Variants in ARHGAP10 observed in about 807,000 individuals in gnomAD.
ARHGAP10 encodes rho GTPase-activating protein 10.
ARHGAP10 carries 87 observed loss-of-function variants against 108.6 expected under a neutral mutation model. The ratio of observed to expected loss-of-function variants is 0.80; its 90% confidence interval spans 0.67 to 0.96. The LOEUF is 0.96. Among genes scored for constraint, ARHGAP10 ranks in the 40% least tolerant of loss-of-function variants. The pLI is 0.00. For synonymous variants in ARHGAP10, 347 were observed against 341.1 expected (o/e 1.02, Z -0.19); for missense variants, 939 against 954.5 (o/e 0.98, Z 0.21).
intron 18 of ARHGAP10, among the ~76,000 whole-genome samples, chr4:147,969,784 C>G (rs1233512591): frequency 6.6e-6 from 1 of 152,186 alleles, no homozygotes; most frequent in African/African-American, 2.4e-5. Flanking sequence ...AAAGTGGCCT[C>G]GCTTTCAGAG....
At chr4:147,993,883 G>A (rs534911969) in intron 18 of ARHGAP10, among the ~76,000 whole-genome samples, 1 of 152,306 alleles carries the variant, frequency 6.6e-6, no homozygotes, top group Admixed American at 6.5e-5. Flanking sequence ...GTGAGGAGCT[G>A]GTGTTTCAGA....
intron 1 of ARHGAP10, among the ~76,000 whole-genome samples, chr4:147,746,348 C>T (rs542894359): frequency 4.2e-4 from 63 of 151,050 alleles, no homozygotes; most frequent in Middle Eastern, 7.1e-3. Flanking sequence ...GTGATCCGCC[C>T]GCCTTGGCCT....
At chr4:147,823,579 G>A (rs1292585887) in intron 3 of ARHGAP10, among the ~76,000 whole-genome samples, 1 of 152,036 alleles carries the variant, frequency 6.6e-6, no homozygotes, top group African/African-American at 2.4e-5. Context: ...CCCACATGGT[G>A]AAACCGCATC....
At chr4:147,978,396 G>A (rs922340264) in intron 18 of ARHGAP10, among the ~76,000 whole-genome samples, 4 of 152,076 alleles carry the variant, frequency 2.6e-5, no homozygotes, top group African/African-American at 7.2e-5. Flanking sequence ...ATATGGTTTG[G>A]CTCTGTGTCC....
intron 1 of ARHGAP10, among the ~76,000 whole-genome samples, chr4:147,748,833 C>T (rs1035872147): frequency 1.4e-4 from 21 of 151,958 alleles, no homozygotes; most frequent in Non-Finnish European, 2.9e-4. Flanking sequence ...GGGGCACACA[C>T]CTGTAGTCCT....
At chr4:147,761,570 C>A (rs1729594051) in intron 1 of ARHGAP10, among the ~76,000 whole-genome samples, 1 of 152,150 alleles carries the variant, frequency 6.6e-6, no homozygotes, top group Non-Finnish European at 1.5e-5. Flanking sequence ...CTCTTTTCCA[C>A]AGGTGAAGGA....
intron 18 of ARHGAP10, among the ~76,000 whole-genome samples, chr4:147,978,825 A>C (rs190660046): frequency 6.6e-6 from 1 of 152,080 alleles, no homozygotes; most frequent in African/African-American, 2.4e-5. Context: ...ATGTTGAACA[A>C]TTTTTTCATA....
At position 147,919,638 on chromosome 4, in the gene ARHGAP10, T is replaced by G. The variant is rs527988368; in HGVS notation, c.1228+6499T>G. Among the ~76,000 whole-genome samples, 3 of 152,152 alleles carry G rather than the reference T, an allele frequency of 2.0e-5. No homozygotes were observed. The East Asian group carries it at 5.8e-4, about 29-fold the overall frequency. On this transcript the variant is annotated intron_variant, in intron 13 of 22. Transcript: ENST00000336498. ...CCCAGACTAGAGTGCAGTGGCATGA[T>G]CTTGGCTCAGTGCAGCCTCCGTCTC...
At position 148,017,680 on chromosome 4, in the gene ARHGAP10, A is replaced by ATGAG. The variant is rs1553971549; in HGVS notation, c.1717-5582_1717-5581insGAGT. On this transcript the variant is annotated intron_variant, in intron 18 of 22. Coordinates refer to ENST00000336498, the MANE Select transcript of ARHGAP10 (RefSeq NM_024605.4). ...TATATATATATATATATATATATAT[A>ATGAG]TATGTGTGTGTATGTAAAGGAATTC... Among the ~76,000 whole-genome samples the ATGAG allele has an allele frequency of 4.1e-3, 585 of 141,448 alleles. 20 individuals are homozygous for ATGAG. Among genetic ancestry groups the ATGAG allele is most frequent in the African/African-American group, 0.014 (520 of 36,582 alleles). The allele number at this position is 141,448 out of a possible 152,430, so 92.8% of individuals were successfully genotyped here.
rs539228934 is a variant in ARHGAP10, at chr4:147,771,110, C to G, written c.154+38655C>G. 1.3e-5 allele frequency among the ~76,000 whole-genome samples: 2 copies of G among 152,118 alleles called. 1 individual carries two copies. Among genetic ancestry groups the G allele is most frequent in the Non-Finnish European group, 2.9e-5 (2 of 67,990 alleles). On this transcript the variant is annotated intron_variant, in intron 1 of 22. Transcript: ENST00000336498. ...TGTAATCCTAGCACTTTGGGAGGCCCAGGTTGGAAGATCACTTAAGCCCAG... is the reference window on the plus strand; with the variant it reads ...TGTAATCCTAGCACTTTGGGAGGCCGAGGTTGGAAGATCACTTAAGCCCAG...
chr4:147,973,793 G>T (rs907990032), intron 18 of ARHGAP10, among the ~76,000 whole-genome samples: 10 of 152,104 alleles, frequency 6.6e-5, no homozygotes, highest in African/African-American at 2.4e-4. Context: ...TGTAAAATTT[G>T]TCTTTCTATG....
intron 10 of ARHGAP10, among the ~76,000 whole-genome samples, chr4:147,900,125 A>G (rs1259643674): frequency 1.3e-5 from 2 of 152,198 alleles, no homozygotes; most frequent in East Asian, 3.8e-4. Context: ...ACATGGTTTG[A>G]TAGAGCTATA....
intron 19 of ARHGAP10, among the ~76,000 whole-genome samples, chr4:148,045,516 C>T (rs1012188415): frequency 5.9e-5 from 9 of 151,680 alleles, no homozygotes; most frequent in Non-Finnish European, 1.0e-4. Flanking sequence ...CTGAGGCAGG[C>T]GGATCACCTG....
At chr4:147,882,786 C>T (rs1444656030) in intron 10 of ARHGAP10, among the ~76,000 whole-genome samples, 2 of 152,144 alleles carry the variant, frequency 1.3e-5, no homozygotes, top group East Asian at 3.9e-4. Flanking sequence ...TTTTGTTCAT[C>T]AGTATTACTA....
chr4:147,739,440 T>C lies in ARHGAP10; in HGVS notation c.154+6985T>C, dbSNP rs577687432. ...TCATCTCAAGGTATTGACATGACAA[T>C]ATAAGTGACTGCAGCCTTCAAATAC... On this transcript the variant is annotated intron_variant, in intron 1 of 22. Coordinates refer to ENST00000336498, the MANE Select transcript of ARHGAP10 (RefSeq NM_024605.4). Among the ~76,000 whole-genome samples the C allele has an allele frequency of 2.0e-5, 3 of 152,284 alleles. No individual in the cohort carries two copies. The East Asian group carries it at 5.8e-4, about 29-fold the overall frequency.
chr4:148,010,869 C>G (rs980566216), intron 18 of ARHGAP10, among the ~76,000 whole-genome samples: 1 of 152,170 alleles, frequency 6.6e-6, no homozygotes, highest in South Asian at 2.1e-4. Flanking sequence ...TATACTTCCC[C>G]GTTGTCAAAT....
intron 1 of ARHGAP10, among the ~76,000 whole-genome samples, chr4:147,821,064 C>T (rs938469456): frequency 1.3e-5 from 2 of 152,156 alleles, no homozygotes; most frequent in Non-Finnish European, 2.9e-5. Context: ...GGCTGGCTGG[C>T]TGGCTGGCTG....
chr4:147,992,004 T>G (rs1000988812), intron 18 of ARHGAP10, among the ~76,000 whole-genome samples: 1 of 152,206 alleles, frequency 6.6e-6, no homozygotes, highest in Admixed American at 6.5e-5. Flanking sequence ...AACTTCAGTG[T>G]GGAGCCTGGG....
rs1735003934 is a variant in ARHGAP10 at position 147,875,076 on chromosome 4, T to A, written c.758T>A (p.Ile253Asn). The A allele has an allele frequency of 4.3e-6, 7 of 1,610,024 alleles. No individual in the cohort carries two copies. Among genetic ancestry groups the A allele is most frequent in the Middle Eastern group, 1.6e-4 (1 of 6,076 alleles). Residue 253 changes from isoleucine to asparagine, a missense_variant, in exon 8 of 23, where the codon ATC becomes AAC. Coordinates refer to ENST00000336498, the MANE Select transcript of ARHGAP10 (RefSeq NM_024605.4). ...RSEVEELMNK[I>N]RQNPKDHKRA... ...GAAGTGGAAGAGCTCATGAACAAAA[T>A]CAGACAGAATCCCAAGGACCACAAA...
Sources: allele counts gnomAD v4.1 joint callset (sites outside exome capture counted in the v4.1 genomes callset), GRCh38; gene constraint gnomAD v4.1.1; transcripts MANE v1.5; gene names NCBI Gene and HGNC (gene_info 2026-07-23, HGNC 2026-07-21).